Variants in KLF12 observed in about 807,000 individuals in gnomAD.
KLF12 encodes Krueppel-like factor 12.
In KLF12, 9 loss-of-function variants were observed where a neutral mutation model predicts 37.8. The observed-to-expected ratio is 0.24, with a 90% CI of 0.14 to 0.42. KLF12 has a LOEUF of 0.42. KLF12 is among the 10% of genes least tolerant of loss of function. The pLI is 1.00. For missense variants in KLF12, 411 were observed against 516.0 expected (o/e 0.80, Z 1.97); for synonymous variants, 208 against 202.1 (o/e 1.03, Z -0.25).
At chr13:73,839,674 A>T (rs1223744594) in intron 4 of KLF12, among the ~76,000 whole-genome samples, 2 of 152,198 alleles carry the variant, frequency 1.3e-5, no homozygotes, top group Non-Finnish European at 2.9e-5. Context: ...AATCCTAAAC[A>T]GGAAGAATTA....
At chr13:73,897,224 A>G (rs1037290917) in intron 3 of KLF12, among the ~76,000 whole-genome samples, 1 of 152,208 alleles carries the variant, frequency 6.6e-6, no homozygotes, top group Admixed American at 6.5e-5. Flanking sequence ...CCTCAAATGA[A>G]AACAGTTCAC....
At chr13:73,918,000 T>C (rs2139197266) in intron 3 of KLF12, among the ~76,000 whole-genome samples, 1 of 152,110 alleles carries the variant, frequency 6.6e-6, no homozygotes, top group South Asian at 2.1e-4. Flanking sequence ...TTAGTCTAGC[T>C]AAGGGGTAGT....
chr13:73,917,268 AC>A (rs1888892081), intron 3 of KLF12, among the ~76,000 whole-genome samples: 1 of 152,272 alleles, frequency 6.6e-6, no homozygotes, highest in Non-Finnish European at 1.5e-5. Context: ...ACAGGCACTT[AC>A]TATACTAATA....
At chr13:73,889,834 G>T (rs1446395177) in intron 3 of KLF12, among the ~76,000 whole-genome samples, 1 of 151,950 alleles carries the variant, frequency 6.6e-6, no homozygotes, top group Admixed American at 6.6e-5. Context: ...CAAAATAAAA[G>T]GAACTAAATA....
chr13:74,089,603 C>T (rs1042036448), intron 1 of KLF12, among the ~76,000 whole-genome samples: 2 of 151,660 alleles, frequency 1.3e-5, no homozygotes, highest in African/African-American at 4.8e-5. Flanking sequence ...ATACCATGGC[C>T]AACTGGGATT....
chr13:73,704,645 G>A (rs578205154), intron 7 of KLF12, among the ~76,000 whole-genome samples: 1 of 152,274 alleles, frequency 6.6e-6, no homozygotes, highest in South Asian at 2.1e-4. Flanking sequence ...TGTCCATGCT[G>A]TAGAGAAAGA....
At position 73,764,632 on chromosome 13, in the gene KLF12, T is replaced by C. The variant is rs572299868; in HGVS notation, c.869+306A>G. Among the ~76,000 whole-genome samples the C allele has an allele frequency of 3.0e-4, 46 of 152,228 alleles. No individual in the cohort carries two copies. The South Asian group carries it at 8.9e-3, about 30-fold the overall frequency. On this transcript the variant is annotated intron_variant, in intron 6 of 7. Coordinates refer to ENST00000377669, the MANE Select transcript of KLF12 (RefSeq NM_007249.5). Reference sequence around the variant, plus strand: ...GGTATCTGAGAAATATCTGGGTCTATGTACCTTCGAAAAAAAGGAAAACAT... The same window carrying C: ...GGTATCTGAGAAATATCTGGGTCTACGTACCTTCGAAAAAAAGGAAAACAT...
the KLF12 span, among the ~76,000 whole-genome samples, chr13:74,139,642 A>G: frequency 2.0e-5 from 3 of 152,278 alleles, no homozygotes; most frequent in East Asian, 5.8e-4. Flanking sequence ...TTATTCAATT[A>G]TATTCCTCTT....
At chr13:73,871,638 C>A (rs1886470705) in intron 3 of KLF12, among the ~76,000 whole-genome samples, 1 of 152,168 alleles carries the variant, frequency 6.6e-6, no homozygotes, top group Non-Finnish European at 1.5e-5. Flanking sequence ...CATTCGCTAT[C>A]TCTGAACACA....
At chr13:74,297,349 A>C in the KLF12 span, among the ~76,000 whole-genome samples, 1 of 152,210 alleles carries the variant, frequency 6.6e-6, no homozygotes, top group East Asian at 1.9e-4. Context: ...GGGTTTAAAA[A>C]ATTCCAGCAG....
chr13:73,753,180 A>C (rs1213606310), intron 6 of KLF12, among the ~76,000 whole-genome samples: 1 of 152,074 alleles, frequency 6.6e-6, no homozygotes, highest in Non-Finnish European at 1.5e-5. Context: ...TGCGGACTAC[A>C]TGTTTCTGCT....
chr13:73,746,334 T>A (rs1358316021), intron 6 of KLF12, among the ~76,000 whole-genome samples: 2 of 152,260 alleles, frequency 1.3e-5, no homozygotes, highest in African/African-American at 4.8e-5. Flanking sequence ...TATGTTAAAT[T>A]GGTGAGGAAT....
chr13:73,854,416 T>C (rs551660137), intron 3 of KLF12, among the ~76,000 whole-genome samples: 10 of 152,224 alleles, frequency 6.6e-5, no homozygotes, highest in East Asian at 1.9e-4. Context: ...CAGTATCTCA[T>C]AGTATTGAAG....
chr13:74,205,656 G>A, the KLF12 span, among the ~76,000 whole-genome samples: 3 of 152,094 alleles, frequency 2.0e-5, no homozygotes, highest in African/African-American at 4.8e-5. Flanking sequence ...TGACCCTGAC[G>A]TAGACACAGA....
chr13:73,998,138 G>A (rs2138289468), intron 1 of KLF12, among the ~76,000 whole-genome samples: 1 of 152,258 alleles, frequency 6.6e-6, no homozygotes, highest in Non-Finnish European at 1.5e-5. Context: ...CCTGGCCATA[G>A]TGAAAGTGAA....
At chr13:73,959,695 T>C (rs189721629) in intron 2 of KLF12, among the ~76,000 whole-genome samples, 21 of 152,212 alleles carry the variant, frequency 1.4e-4, no homozygotes, top group Admixed American at 1.2e-3. Flanking sequence ...TATGAAGTGA[T>C]TCTCATTATG....
chr13:73,875,463 G>C (rs957944895), intron 3 of KLF12, among the ~76,000 whole-genome samples: 4 of 152,004 alleles, frequency 2.6e-5, no homozygotes, highest in Admixed American at 1.3e-4. Flanking sequence ...TAGAAAACAT[G>C]GTTTTTGTGA....
Position 74,118,121 on chromosome 13 carries a change from C to T in KLF12, c.-32+15618G>A, listed in dbSNP as rs558729630. 9.9e-5 allele frequency among the ~76,000 whole-genome samples: 15 copies of T among 152,184 alleles called. No individual in the cohort carries two copies. In the South Asian group the frequency reaches 3.1e-3, roughly 32 times the overall value. ...CTTTTTGAAGTCCTTATCTGCTAGA[C>T]AAATATATTAAAGTATTTATGGGTA... is the stretch of plus-strand genomic sequence containing the variant. On this transcript the variant is annotated intron_variant, in intron 1 of 7. Transcript: ENST00000377669.
chr13:73,916,761 C>T (rs1888869727), intron 3 of KLF12, among the ~76,000 whole-genome samples: 1 of 152,160 alleles, frequency 6.6e-6, no homozygotes, highest in South Asian at 2.1e-4. Flanking sequence ...GCTTTAGTGA[C>T]AGACTGTAGT....
Sources: gnomAD v4.1 joint callset for allele counts (sites outside exome capture counted in the v4.1 genomes callset) on GRCh38, gnomAD v4.1.1 for gene constraint, MANE v1.5 for transcripts, NCBI Gene and HGNC (gene_info 2026-07-23, HGNC 2026-07-21) for gene names.